The following CDC45 variants were observed in gnomAD, a reference collection of about 807,000 sequenced individuals.
CDC45 encodes cell division cycle 45, also known as cell division control protein 45 homolog.
A neutral mutation model predicts 77.8 loss-of-function variants in CDC45; 54 were observed. The observed-to-expected ratio is 0.69, with a 90% CI of 0.56 to 0.87. The LOEUF (loss-of-function observed/expected upper bound fraction) is 0.87, where lower values mean the gene tolerates loss of function less well. Ranked by LOEUF, CDC45 falls within the 40% of genes least tolerant of loss-of-function variation. The pLI is 0.00. For missense variants in CDC45, 649 were observed against 721.6 expected (o/e 0.90, Z 1.15); for synonymous variants, 260 against 272.1 (o/e 0.96, Z 0.44).
intron 5 of CDC45, among the ~76,000 whole-genome samples, chr22:19,487,931 AAG>A (rs2090097650): frequency 6.6e-6 from 1 of 151,594 alleles, no homozygotes; most frequent in Admixed American, 6.6e-5. Flanking sequence ...AAAAAAAAAA[AAG>A]AGTTCTGCTG....
At position 19,508,515 on chromosome 22, in the gene CDC45, T is replaced by A. The variant is rs1330084467; in HGVS notation, c.1056-15T>A. 6.2e-7 allele frequency: 1 copy of A among 1,614,124 alleles called. No homozygotes were observed. Reference sequence around the variant, plus strand: ...CACAATTTGAGGGTGACAGCTGTGTTTGCTCCCATGACAGGATGAAGGACA... The same window carrying A: ...CACAATTTGAGGGTGACAGCTGTGTATGCTCCCATGACAGGATGAAGGACA... On this transcript the variant is annotated splice_polypyrimidine_tract_variant and intron_variant, in intron 12 of 18. Transcript: ENST00000263201.
At chr22:19,519,492 C>G (rs1214729386) in intron 18 of CDC45, among the ~76,000 whole-genome samples, 2 of 152,220 alleles carry the variant, frequency 1.3e-5, no homozygotes, top group Non-Finnish European at 2.9e-5. Flanking sequence ...CTACCTCTTT[C>G]TTAAGGGTTC....
At chr22:19,483,722 T>A in intron 4 of CDC45, 140 bp from the exon 5 acceptor site, 1 of 784,576 alleles carries the variant, frequency 1.3e-6, no homozygotes, top group South Asian at 1.8e-5. Flanking sequence ...AGCCTGGAAC[T>A]CTTGTTAAAT....
chr22:19,516,778 C>T (rs1202345504), intron 16 of CDC45, 39 bp from the exon 17 acceptor site: 6 of 1,581,720 alleles, frequency 3.8e-6, no homozygotes, highest in Non-Finnish European at 4.3e-6. Context: ...GGGTCCATTG[C>T]AGGCCGCCTG....
chr22:19,488,264 T>C (rs1273057860), intron 5 of CDC45, among the ~76,000 whole-genome samples: 2 of 152,242 alleles, frequency 1.3e-5, no homozygotes, highest in Admixed American at 6.5e-5. Flanking sequence ...AACAACCTTT[T>C]CCTTATGCTC....
intron 5 of CDC45, among the ~76,000 whole-genome samples, chr22:19,485,965 T>C (rs999031839): frequency 1.3e-5 from 2 of 152,264 alleles, no homozygotes; most frequent in Non-Finnish European, 2.9e-5. Flanking sequence ...TTTCTGTGTA[T>C]TCTTTTTTCT....
chr22:19,499,651 C>T (rs1000445474), intron 9 of CDC45, among the ~76,000 whole-genome samples: 1 of 152,156 alleles, frequency 6.6e-6, no homozygotes, highest in African/African-American at 2.4e-5. Context: ...TGGTGGGCTC[C>T]CCATCTGATA....
chr22:19,518,645 C>A (rs2146452786), intron 17 of CDC45, among the ~76,000 whole-genome samples, 199 bp from the exon 18 acceptor site: 1 of 152,266 alleles, frequency 6.6e-6, no homozygotes, highest in East Asian at 1.9e-4. Flanking sequence ...CAACCCTGAC[C>A]TCTCTAGCAG....
upstream of CDC45, chr22:19,479,510 C>T (rs1300886774): frequency 1.7e-6 from 1 of 576,540 alleles, no homozygotes; most frequent in Non-Finnish European, 3.4e-6. Context: ...CGGAACTAAG[C>T]TACAAATCCT....
chr22:19,483,100 G>A (rs2090009885), intron 4 of CDC45, among the ~76,000 whole-genome samples: 1 of 151,910 alleles, frequency 6.6e-6, no homozygotes, highest in Admixed American at 6.6e-5. Flanking sequence ...ACAGGCACAT[G>A]CCACCACGCC....
chr22:19,499,115 G>T lies in CDC45; in HGVS notation c.668G>T (p.Gly223Val), dbSNP rs1156535240. ...TCTTCTTCCAGGTGGGCCATCGTTG[G>T]ACTAACAGACCAGTGGGTGCAAGAC... ...LNDMLWWAIV[G>V]LTDQWVQDKI... The change falls in exon 9 of 19, where the codon GGA becomes GTA. Residue 223 changes from glycine to valine, a missense_variant. Transcript: ENST00000263201. 4 of 1,614,156 alleles carry T rather than the reference G, an allele frequency of 2.5e-6. No homozygotes were observed. Among genetic ancestry groups the T allele is most frequent in the Non-Finnish European group, 2.5e-6 (3 of 1,180,008 alleles).
rs761339731 is a variant in CDC45 at position 19,494,558 on chromosome 22, G to A, written c.542+176G>A. ...CTGCATTGGAGAAGAGCTCCAGGTT[G>A]TTCGCCGGTCCCATGAGTGACAGGA... is the stretch of plus-strand genomic sequence containing the variant. On this transcript the variant is annotated intron_variant, in intron 6 of 18. Coordinates refer to ENST00000263201, the MANE Select transcript of CDC45 (RefSeq NM_003504.5). The A allele has an allele frequency of 1.2e-5, 19 of 1,550,028 alleles. No individual in the cohort carries two copies. In the South Asian group the frequency reaches 2.1e-4, roughly 17 times the overall value.
Position 19,508,641 on chromosome 22 carries a change from G to A in CDC45, c.1167G>A (p.Lys389=). Residue 389 remains lysine (K), a synonymous_variant, in exon 13 of 19, where the codon AAG becomes AAA. Coordinates refer to ENST00000263201, the MANE Select transcript of CDC45 (RefSeq NM_003504.5). ...ATMSLMESPE[K]DGSGTDHFIQ... The stretch of plus-strand genomic sequence containing the variant: ...TGTCTTTGATGGAGAGCCCCGAGAA[G>A]GATGGCTCAGGGACAGATCACTTCA... 1 of 1,614,252 alleles carries A rather than the reference G, an allele frequency of 6.2e-7. No homozygotes were observed. Among genetic ancestry groups the A allele is most frequent in the Non-Finnish European group, 8.5e-7 (1 of 1,180,044 alleles).
chr22:19,494,486 A>C, intron 6 of CDC45, 104 bp downstream of exon 6: 1 of 1,562,352 alleles, frequency 6.4e-7, no homozygotes, highest in Non-Finnish European at 8.7e-7. Context: ...TAATTTATTG[A>C]GTTTAGAACC....
Position 19,479,932 on chromosome 22 carries a change from C to G in CDC45, c.-37C>G. The stretch of plus-strand genomic sequence containing the variant: ...CTTGACCGCCGCCGGGCTCTTGGTA[C>G]CTCAGCGCGAGCGCCAGGCGTCCGG... On this transcript the variant is annotated 5_prime_UTR_variant, in exon 1 of 19. Coordinates refer to ENST00000263201, the MANE Select transcript of CDC45 (RefSeq NM_003504.5). 1.2e-6 allele frequency: 2 copies of G among 1,611,232 alleles called. No homozygotes were observed. Among genetic ancestry groups the G allele is most frequent in the Non-Finnish European group, 8.5e-7 (1 of 1,179,296 alleles).
rs1354249581 is a variant in CDC45 at position 19,505,364 on chromosome 22, T to C, written c.707T>C (p.Met236Thr). The C allele has an allele frequency of 6.2e-7, 1 of 1,613,986 alleles. No homozygotes were observed. The highest frequency in any genetic ancestry group is 8.5e-7 in the Non-Finnish European group (1 of 1,180,006). Residue 236 changes from methionine (M) to threonine (T), a missense_variant and splice_region_variant, in exon 10 of 19, where the codon ATG becomes ACG. Coordinates refer to ENST00000263201, the MANE Select transcript of CDC45 (RefSeq NM_003504.5). Reference sequence around the variant, plus strand: ...GCTTGTGCTACTTTTTTTTCCAGAATGAAATACGTGACTGATGTTGGTGTC... The same window carrying C: ...GCTTGTGCTACTTTTTTTTCCAGAACGAAATACGTGACTGATGTTGGTGTC... ...DQWVQDKITQMKYVTDVGVLQ... is the reference protein window; with the variant it reads ...DQWVQDKITQTKYVTDVGVLQ...
chr22:19,518,606 T>TC (rs754943296), intron 17 of CDC45, among the ~76,000 whole-genome samples: 2 of 152,076 alleles, frequency 1.3e-5, no homozygotes, highest in Non-Finnish European at 2.9e-5. Context: ...TCTATTGTCT[T>TC]CCCGGGGGGG....
In CDC45 at chr22:19,482,763, CTATATTCTT is replaced by C; in HGVS notation, c.280_288del (p.Ile94_Phe96del). On this transcript the variant is annotated inframe_deletion, in exon 4 of 19. Transcript: ENST00000263201. ...GATATTCTTCAACCTGATGAAGACACTATATTCTTTGTGTGTGACACCCATAGGCCAGTC... is the reference window on the plus strand; with the variant it reads ...GATATTCTTCAACCTGATGAAGACACTGTGTGTGACACCCATAGGCCAGTC... 6.2e-7 allele frequency: 1 copy of C among 1,611,724 alleles called. No homozygotes were observed. Among genetic ancestry groups the C allele is most frequent in the Non-Finnish European group, 8.5e-7 (1 of 1,177,804 alleles).
chr22:19,492,008 GT>G (rs1460598534), intron 5 of CDC45, among the ~76,000 whole-genome samples: 6 of 152,036 alleles, frequency 3.9e-5, no homozygotes, highest in African/African-American at 1.5e-4. Context: ...GTTTTTCCAT[GT>G]TGGCCAGGCT....
Sources: allele counts gnomAD v4.1 joint callset (sites outside exome capture counted in the v4.1 genomes callset), GRCh38; gene constraint gnomAD v4.1.1; transcripts MANE v1.5; gene names NCBI Gene and HGNC (gene_info 2026-07-23, HGNC 2026-07-21).